Variants in GSE1 observed in about 807,000 individuals in gnomAD.
The protein encoded by GSE1 is genetic suppressor element 1.
In GSE1, 32 loss-of-function variants were observed where a neutral mutation model predicts 112.6. The observed-to-expected ratio is 0.28, with a 90% CI of 0.21 to 0.38. The LOEUF (loss-of-function observed/expected upper bound fraction) is 0.38, where lower values mean the gene tolerates loss of function less well. GSE1 is among the 10% of genes least tolerant of loss of function. The pLI is 1.00. For missense variants in GSE1, 2,348 were observed against 1,699.2 expected (o/e 1.38, Z -6.71); for synonymous variants, 1,115 against 735.6 (o/e 1.52, Z -8.35).
intron 1 of GSE1, among the ~76,000 whole-genome samples, chr16:85,564,957 T>G (rs1332657907): frequency 6.6e-6 from 1 of 150,402 alleles, no homozygotes. Flanking sequence ...GTGGGGAGAG[T>G]GTGGCCAGGG....
At chr16:85,388,651 G>T (rs1567729108) in intron 2 of GSE1, among the ~76,000 whole-genome samples, 1 of 151,612 alleles carries the variant, frequency 6.6e-6, no homozygotes, top group Non-Finnish European at 1.5e-5. Flanking sequence ...TGGGTGGATG[G>T]ATGGATGGAT....
In GSE1 at chr16:85,287,952, G is replaced by A. The variant is rs530867155; in HGVS notation, c.2284-69511G>A. Among the ~76,000 whole-genome samples, 21 of 152,272 alleles carry A rather than the reference G, an allele frequency of 1.4e-4. No individual in the cohort carries two copies. The East Asian group carries it at 2.7e-3, about 20-fold the overall frequency. ...AAATGGAGATCATCATGAAATAAGC[G>A]CTATTGGCCGGGCACGGTGGCTCAC... On this transcript the variant is annotated intron_variant, in intron 1 of 2. Transcript: ENST00000637419.
In GSE1 at chr16:85,269,599, G is replaced by T. The variant is rs74031759; in HGVS notation, c.2284-87864G>T. On this transcript the variant is annotated intron_variant, in intron 1 of 2. Transcript: ENST00000637419. ...CAGAACAGGAGACTCCTGACTCCCC[G>T]GTGCTGCCTCCCGTGCTCTGCATGC... is the stretch of plus-strand genomic sequence containing the variant. Among the ~76,000 whole-genome samples the T allele has an allele frequency of 2.4e-3, 358 of 149,114 alleles. 46 individuals carry two copies. Among genetic ancestry groups the T allele is most frequent in the Admixed American group, 8.7e-4 (13 of 14,998 alleles).
intron 2 of GSE1, among the ~76,000 whole-genome samples, chr16:85,446,370 G>C (rs938945857): frequency 3.3e-5 from 5 of 152,178 alleles, no homozygotes; most frequent in African/African-American, 1.2e-4. Flanking sequence ...GTCAAGCAGG[G>C]ATAAAAACAG....
exon 1 of GSE1, chr16:85,170,633 A>G: frequency 2.0e-6 from 2 of 985,384 alleles, no homozygotes; most frequent in South Asian, 4.7e-5. Flanking sequence ...CTTTGCTGCT[A>G]CATCTGCGGG....
chr16:85,246,605 G>T (rs1905866377), intron 1 of GSE1, among the ~76,000 whole-genome samples: 2 of 151,786 alleles, frequency 1.3e-5, no homozygotes, highest in African/African-American at 4.8e-5. Context: ...CCCTGGAGGA[G>T]GAGAAATGAG....
Position 85,623,742 on chromosome 16 carries a change from C to T in GSE1, c.8-10172C>T, listed in dbSNP as rs564122381. Among the ~76,000 whole-genome samples the T allele has an allele frequency of 3.8e-4, 58 of 152,312 alleles. 1 individual carries two copies. Among genetic ancestry groups the T allele is most frequent in the African/African-American group, 1.3e-3 (54 of 41,582 alleles). On this transcript the variant is annotated intron_variant, in intron 1 of 15. Coordinates refer to ENST00000253458, the MANE Select transcript of GSE1 (RefSeq NM_014615.5). ...GGACGTTTTCCAGTCATCACCATCTCCCCGCCTCTGAAGCTGGAGACCCTG... is the reference window on the plus strand; with the variant it reads ...GGACGTTTTCCAGTCATCACCATCTTCCCGCCTCTGAAGCTGGAGACCCTG...
intron 2 of GSE1, among the ~76,000 whole-genome samples, chr16:85,479,073 G>A (rs2050591156): frequency 7.1e-6 from 1 of 139,930 alleles, no homozygotes; most frequent in Non-Finnish European, 1.5e-5. Flanking sequence ...CCAGGCTGGA[G>A]TGCAGTGGCA....
chr16:85,637,128 A>G (rs2050068559), intron 2 of GSE1, among the ~76,000 whole-genome samples: 3 of 152,204 alleles, frequency 2.0e-5, no homozygotes, highest in Admixed American at 1.3e-4. Flanking sequence ...ATTCTAGAAC[A>G]TTTGGGTCAC....
chr16:85,661,545 G>T lies in GSE1; in HGVS notation c.2040G>T (p.Lys680Asn). 1 of 1,612,020 alleles carries T rather than the reference G, an allele frequency of 6.2e-7. No homozygotes were observed. ...GPGPFLAELE[K>N]STQTILGQQR... ...GGCCCTTCCTGGCTGAGCTCGAGAA[G>T]TCCACCCAGACCATCCTGGGCCAGC... Residue 680 changes from lysine (K) to asparagine (N), a missense_variant, in exon 9 of 16, where the codon AAG (lysine) becomes AAT (asparagine). By Grantham distance (94) the Lys-to-Asn change is moderately conservative (BLOSUM62 0). Transcript: ENST00000253458.
At chr16:85,185,474 A>G (rs2074680934) in intron 1 of GSE1, 1 of 152,306 alleles carries the variant, frequency 6.6e-6, no homozygotes, top group Admixed American at 6.5e-5. Flanking sequence ...ACCTCCATGC[A>G]GAGCGCAGCA....
chr16:85,462,560 C>G (rs1332361549), intron 2 of GSE1, among the ~76,000 whole-genome samples: 1 of 151,902 alleles, frequency 6.6e-6, no homozygotes, highest in East Asian at 1.9e-4. Context: ...GGCACTTGAA[C>G]TGTCACGGCG....
At chr16:85,207,279 C>T (rs1255895448) in intron 1 of GSE1, among the ~76,000 whole-genome samples, 2 of 152,246 alleles carry the variant, frequency 1.3e-5, no homozygotes, top group African/African-American at 4.8e-5. Flanking sequence ...CACTCAGGCT[C>T]CGCTCTGCGG....
At chr16:85,627,670 CG>C (rs1156362602) in intron 1 of GSE1, among the ~76,000 whole-genome samples, 1 of 151,328 alleles carries the variant, frequency 6.6e-6, no homozygotes, top group Non-Finnish European at 1.5e-5. Flanking sequence ...AGACAGCCCC[CG>C]GCCCCCCGGC....
At chr16:85,657,243 C>A in intron 7 of GSE1, 34 bp from the exon 8 acceptor site, 6 of 1,452,528 alleles carry the variant, frequency 4.1e-6, no homozygotes, top group Non-Finnish European at 5.6e-6. Context: ...GCCCACGTGG[C>A]TGAGATCCTG....
intron 1 of GSE1, among the ~76,000 whole-genome samples, chr16:85,622,287 G>C (rs61146128): frequency 6.6e-6 from 1 of 152,196 alleles, no homozygotes; most frequent in South Asian, 2.1e-4. Context: ...GAGGCATTTA[G>C]TGATGTCTGG....
intron 1 of GSE1, among the ~76,000 whole-genome samples, chr16:85,347,617 C>G (rs981926534): frequency 6.6e-6 from 1 of 150,818 alleles, no homozygotes; most frequent in Admixed American, 6.6e-5. Flanking sequence ...TCAGACACAG[C>G]AAGTGCACCA....
At chr16:85,604,943 G>A (rs1285517425) in intron 1 of GSE1, among the ~76,000 whole-genome samples, 2 of 130,104 alleles carry the variant, frequency 1.5e-5, no homozygotes, top group Admixed American at 8.4e-5. Context: ...TCAGCCTCCC[G>A]AGTAGCTGGG....
intron 2 of GSE1, among the ~76,000 whole-genome samples, chr16:85,524,303 C>T (rs1205196555): frequency 6.6e-6 from 1 of 152,034 alleles, no homozygotes; most frequent in East Asian, 1.9e-4. Flanking sequence ...CCTCAGATGC[C>T]ATCCCAGTCC....
Sources: allele counts gnomAD v4.1 joint callset (sites outside exome capture counted in the v4.1 genomes callset), GRCh38; gene constraint gnomAD v4.1.1; transcripts MANE v1.5; gene names NCBI Gene and HGNC (gene_info 2026-07-23, HGNC 2026-07-21).